Variants in RELN observed in about 807,000 individuals in gnomAD.
The protein encoded by RELN is reelin.
In RELN, 108 loss-of-function variants were observed where a neutral mutation model predicts 427.6. That is an observed-to-expected ratio of 0.25 (90% CI 0.22 to 0.30). The LOEUF is 0.30. Ranked by LOEUF, RELN falls within the 10% of genes least tolerant of loss-of-function variation. RELN has a pLI of 1.00. For synonymous variants in RELN, 1,524 were observed against 1,513.4 expected (o/e 1.01, Z -0.16); for missense variants, 3,715 against 4,302.8 (o/e 0.86, Z 3.82).
At chr7:103,973,462 A>G (rs146326245) in intron 1 of RELN, among the ~76,000 whole-genome samples, 394 of 152,332 alleles carry the variant, frequency 2.6e-3, no homozygotes, top group Admixed American at 9.1e-3. Context: ...AGAAAACAAA[A>G]GAAACAAAAA....
At chr7:103,510,565 C>T (rs1308123668) in intron 51 of RELN, among the ~76,000 whole-genome samples, 1 of 151,992 alleles carries the variant, frequency 6.6e-6, no homozygotes, top group African/African-American at 2.4e-5. Flanking sequence ...AACCACCATG[C>T]CACATGTATA....
In RELN at chr7:103,909,731, T is replaced by A. The variant is rs1283347078; in HGVS notation, c.337+7344A>T. On this transcript the variant is annotated intron_variant, in intron 2 of 64. Coordinates refer to ENST00000428762, the MANE Select transcript of RELN (RefSeq NM_005045.4). ...ATATAAATATATATTAAATATATTT[T>A]TTAATATATATAAATATATATATTA... Among the ~76,000 whole-genome samples the A allele has an allele frequency of 8.2e-4, 30 of 36,472 alleles. 3 individuals carry two copies. Among genetic ancestry groups the A allele is most frequent in the African/African-American group, 3.1e-3 (22 of 7,140 alleles). The allele number at this position is 36,472 out of a possible 152,430, so 23.9% of individuals were successfully genotyped here.
At chr7:103,498,967 A>C (rs1562854027) in intron 53 of RELN, among the ~76,000 whole-genome samples, 1 of 151,872 alleles carries the variant, frequency 6.6e-6, no homozygotes. Flanking sequence ...GCAATCCAGC[A>C]CTTTCCCCCT....
intron 18 of RELN, among the ~76,000 whole-genome samples, 200 bp from the exon 19 acceptor site, chr7:103,635,786 C>T (rs1832566944): frequency 1.3e-5 from 2 of 151,976 alleles, no homozygotes; most frequent in Admixed American, 1.3e-4. Flanking sequence ...CAGATAGATC[C>T]ATAAAAATAT....
intron 46 of RELN, among the ~76,000 whole-genome samples, chr7:103,529,793 C>T (rs1387386783): frequency 6.6e-6 from 1 of 152,112 alleles, no homozygotes; most frequent in East Asian, 1.9e-4. Context: ...TGAAACCGTT[C>T]GTTCGAAGGT....
intron 27 of RELN, among the ~76,000 whole-genome samples, chr7:103,591,233 G>C (rs1831409182): frequency 6.6e-6 from 1 of 152,094 alleles, no homozygotes; most frequent in African/African-American, 2.4e-5. Context: ...AAATTTTGTT[G>C]TAAAAGACTT....
At chr7:103,779,172 G>C (rs1791823182) in intron 3 of RELN, among the ~76,000 whole-genome samples, 1 of 152,006 alleles carries the variant, frequency 6.6e-6, no homozygotes, top group African/African-American at 2.4e-5. Flanking sequence ...GTCTCCATGA[G>C]AGTCAAGAGA....
In RELN at chr7:103,575,619, G is replaced by A; in HGVS notation, c.4232C>T (p.Pro1411Leu). The change falls in exon 29 of 65, where the codon CCT (proline) becomes CTT (leucine). Residue 1411 changes from proline (P) to leucine (L), a missense_variant. Coordinates refer to ENST00000428762, the MANE Select transcript of RELN (RefSeq NM_005045.4). ...FGLDGVYISEPCPSYCSGHGD... is the reference protein window; with the variant it reads ...FGLDGVYISELCPSYCSGHGD... ...ATGGCCACTGCAGTAACTGGGACAAGGCTCGGATATGTACACTCCATCTAA... is the reference window on the plus strand; with the variant it reads ...ATGGCCACTGCAGTAACTGGGACAAAGCTCGGATATGTACACTCCATCTAA... The A allele has an allele frequency of 6.2e-7, 1 of 1,614,104 alleles. No homozygotes were observed. Among genetic ancestry groups the A allele is most frequent in the Non-Finnish European group, 8.5e-7 (1 of 1,180,002 alleles).
intron 11 of RELN, among the ~76,000 whole-genome samples, chr7:103,679,508 G>A (rs1404740468): frequency 1.3e-5 from 2 of 152,172 alleles, no homozygotes; most frequent in Non-Finnish European, 2.9e-5. Context: ...CCACAGCCTG[G>A]AAGTACCAGC....
At chr7:103,836,408 T>A (rs1322321415) in intron 2 of RELN, among the ~76,000 whole-genome samples, 1 of 152,234 alleles carries the variant, frequency 6.6e-6, no homozygotes, top group Non-Finnish European at 1.5e-5. Flanking sequence ...ATAGCACATG[T>A]GGCTCATGGC....
At chr7:103,986,920 C>G in intron 1 of RELN, among the ~76,000 whole-genome samples, 1 of 143,498 alleles carries the variant, frequency 7.0e-6, no homozygotes. Flanking sequence ...CAGTTCAATT[C>G]TAACAGAAGC....
At position 103,895,305 on chromosome 7, in the gene RELN, A is replaced by G. The variant is rs922272531; in HGVS notation, c.337+21770T>C. 3.3e-5 allele frequency among the ~76,000 whole-genome samples: 5 copies of G among 152,108 alleles called. No homozygotes were observed. In the East Asian group the frequency reaches 5.8e-4, roughly 18 times the overall value. On this transcript the variant is annotated intron_variant, in intron 2 of 64. Transcript: ENST00000428762. The stretch of plus-strand genomic sequence containing the variant: ...TTGTTGACTTGTAACAGGAAAAAAA[A>G]AAGTGGTAGTTCAAAGGGTATTAGA...
At chr7:103,875,551 T>C (rs1242661070) in intron 2 of RELN, among the ~76,000 whole-genome samples, 1 of 152,152 alleles carries the variant, frequency 6.6e-6, no homozygotes, top group Admixed American at 6.6e-5. Flanking sequence ...TTAACAGATA[T>C]TTAATGTGTT....
chr7:103,954,637 T>G (rs1211785761), intron 1 of RELN, among the ~76,000 whole-genome samples: 2 of 152,198 alleles, frequency 1.3e-5, no homozygotes, highest in Admixed American at 1.3e-4. Flanking sequence ...CAAATACCCT[T>G]GAGACCAAGT....
intron 2 of RELN, among the ~76,000 whole-genome samples, chr7:103,840,255 G>A (rs1332207119): frequency 1.3e-5 from 2 of 152,236 alleles, no homozygotes; most frequent in African/African-American, 4.8e-5. Context: ...GAAGTAGCCT[G>A]GATTCCAGTC....
At chr7:103,971,260 T>C (rs1372227302) in intron 1 of RELN, among the ~76,000 whole-genome samples, 1 of 151,898 alleles carries the variant, frequency 6.6e-6, no homozygotes, top group Admixed American at 6.6e-5. Context: ...TCATGCTCAT[T>C]CCATATAAAC....
intron 27 of RELN, 100 bp downstream of exon 27, chr7:103,593,582 T>C (rs1831469953): frequency 4.8e-6 from 5 of 1,037,526 alleles, no homozygotes; most frequent in East Asian, 4.9e-5. Flanking sequence ...CCTTCTTTAA[T>C]AGAATATGAA....
intron 2 of RELN, among the ~76,000 whole-genome samples, chr7:103,893,815 C>A (rs1023630658): frequency 6.6e-6 from 1 of 152,046 alleles, no homozygotes; most frequent in South Asian, 2.1e-4. Context: ...CAGCACATAG[C>A]CCCCAAAGGT....
Position 103,953,317 on chromosome 7 carries a change from A to G in RELN, c.226+35814T>C, listed in dbSNP as rs1420957937. ...CAAGTGGAAGGGTTATTGTTTTATC[A>G]TTTGGTTTCGGATCCACATTCATAG... On this transcript the variant is annotated intron_variant, in intron 1 of 64. Coordinates refer to ENST00000428762, the MANE Select transcript of RELN (RefSeq NM_005045.4). This position sits in a 1 kb window ranked among gnomAD's most constrained non-coding sequence, Gnocchi z 4.3. Among the ~76,000 whole-genome samples, 1 of 152,206 alleles carries G rather than the reference A, an allele frequency of 6.6e-6. No individual in the cohort carries two copies. Among genetic ancestry groups the G allele is most frequent in the Non-Finnish European group, 1.5e-5 (1 of 68,042 alleles).
Sources: gnomAD v4.1 joint callset for allele counts (sites outside exome capture counted in the v4.1 genomes callset) on GRCh38, gnomAD v4.1.1 for gene constraint, Gnocchi (gnomAD v3.1) non-coding constraint, MANE v1.5 for transcripts, NCBI Gene and HGNC (gene_info 2026-07-23, HGNC 2026-07-21) for gene names.